CSMD3: variants seen among roughly 807,000 people sequenced by gnomAD.
CSMD3 encodes the protein CUB and Sushi multiple domains 3.
In CSMD3, 177 loss-of-function variants were observed where a neutral mutation model predicts 435.2. That is an observed-to-expected ratio of 0.41 (90% confidence interval 0.36 to 0.46). CSMD3 has a LOEUF of 0.46. Among genes scored for constraint, CSMD3 ranks in the 20% least tolerant of loss-of-function variants. The probability of loss-of-function intolerance (pLI) is 0.34; values close to 1 mark genes in which losing one functional copy is unlikely to be tolerated. For missense variants in CSMD3, 4,265 were observed against 4,504.6 expected, an observed-to-expected ratio of 0.95 and a Z score of 1.52; for synonymous variants, 1,656 against 1,520.5, an observed-to-expected ratio of 1.09 and a Z score of -2.07.
intron 3 of CSMD3, among the ~76,000 whole-genome samples, chr8:113,223,801 A>G (rs1343743549): frequency 6.7e-6 from 1 of 149,060 alleles, no homozygotes; most frequent in Non-Finnish European, 1.5e-5. Flanking sequence ...GTATTCATGT[A>G]TCTGTGTGTT....
intron 65 of CSMD3, 91 bp downstream of exon 65, chr8:112,244,303 C>T (rs1814474452): frequency 1.8e-6 from 2 of 1,083,408 alleles, no homozygotes; most frequent in Admixed American, 1.7e-5. Flanking sequence ...TCCCTTGTTC[C>T]TATGCTAATT....
At position 112,952,779 on chromosome 8, in the gene CSMD3, T is replaced by A. The variant is rs919845172; in HGVS notation, c.1420+1905A>T. ...CAATGAATAAATGCAAAATTTATTT[T>A]AAAATTATGGAGCAAATTAACATTT... On this transcript the variant is annotated intron_variant, in intron 8 of 70. Transcript: ENST00000297405. Among the ~76,000 whole-genome samples, 50 of 151,730 alleles carry A rather than the reference T, an allele frequency of 3.3e-4. No individual in the cohort carries two copies. In the Middle Eastern group the frequency reaches 0.01, roughly 31 times the overall value.
Position 112,568,590 on chromosome 8 carries a change from A to G in CSMD3, c.4042+4911T>C, listed in dbSNP as rs372552691. ...AAAAAAAAAGAAAAGAAAAGAAAAAAGAAAAAGAAAAAGGAATGGGATATT... is the reference window on the plus strand; with the variant it reads ...AAAAAAAAAGAAAAGAAAAGAAAAAGGAAAAAGAAAAAGGAATGGGATATT... On this transcript the variant is annotated intron_variant, in intron 24 of 70. Transcript: ENST00000297405. Among the ~76,000 whole-genome samples the G allele has an allele frequency of 2.6e-5, 4 of 152,074 alleles. No homozygotes were observed. The South Asian group carries it at 8.3e-4, about 32-fold the overall frequency.
chr8:112,663,042 TG>T (rs2075425992), intron 17 of CSMD3, among the ~76,000 whole-genome samples: 1 of 152,060 alleles, frequency 6.6e-6, no homozygotes, highest in South Asian at 2.1e-4. Flanking sequence ...CTGGAGAGGA[TG>T]TGGAGAAATA....
chr8:112,350,142 T>C (rs543825790), intron 40 of CSMD3, among the ~76,000 whole-genome samples: 3 of 152,088 alleles, frequency 2.0e-5, no homozygotes, highest in Admixed American at 6.6e-5. Flanking sequence ...ACTTCAAGCT[T>C]CCAGAACTCT....
chr8:113,232,068 C>T (rs1380214499), intron 3 of CSMD3, among the ~76,000 whole-genome samples: 1 of 151,260 alleles, frequency 6.6e-6, no homozygotes, highest in African/African-American at 2.4e-5. Flanking sequence ...AGAATTTATA[C>T]CCTTGAAATT....
At chr8:112,593,586 C>CA (rs566567242) in intron 22 of CSMD3, among the ~76,000 whole-genome samples, 256 of 152,128 alleles carry the variant, frequency 1.7e-3, no homozygotes, top group Non-Finnish European at 2.6e-3. Flanking sequence ...TTTAAAGCCA[C>CA]AGACAAAAAG....
At chr8:112,654,061 TACAA>T (rs2075199146) in intron 18 of CSMD3, among the ~76,000 whole-genome samples, 2 of 152,122 alleles carry the variant, frequency 1.3e-5, no homozygotes, top group Admixed American at 6.5e-5. Context: ...AAACCTGGAG[TACAA>T]ACAATGGTGG....
intron 4 of CSMD3, among the ~76,000 whole-genome samples, chr8:113,116,676 T>A (rs2090839982): frequency 6.6e-6 from 1 of 152,148 alleles, no homozygotes; most frequent in South Asian, 2.1e-4. Flanking sequence ...GTTTGGAACT[T>A]CTTAGAGACT....
intron 24 of CSMD3, among the ~76,000 whole-genome samples, chr8:112,573,241 T>C (rs1424769165): frequency 6.6e-6 from 1 of 152,122 alleles, no homozygotes; most frequent in East Asian, 1.9e-4. Flanking sequence ...TACTTAAAAC[T>C]ACCTAAGTAA....
chr8:112,779,994 G>A (rs1357158462), intron 13 of CSMD3, among the ~76,000 whole-genome samples: 1 of 151,748 alleles, frequency 6.6e-6, no homozygotes, highest in Non-Finnish European at 1.5e-5. Context: ...ATTTTTCTTT[G>A]ATTTAGAATT....
chr8:112,847,284 G>A (rs111823651), intron 11 of CSMD3, among the ~76,000 whole-genome samples: 25 of 152,140 alleles, frequency 1.6e-4, no homozygotes, highest in African/African-American at 5.5e-4. Flanking sequence ...ATAGCTATGA[G>A]TCTTCTGGAG....
At chr8:112,458,702 G>C (rs1419539318) in intron 32 of CSMD3, among the ~76,000 whole-genome samples, 2 of 151,994 alleles carry the variant, frequency 1.3e-5, no homozygotes, top group Non-Finnish European at 2.9e-5. Flanking sequence ...AGTCCCTTTG[G>C]GTTTGATGAG....
chr8:113,344,531 T>C (rs1418118249), intron 1 of CSMD3, among the ~76,000 whole-genome samples: 1 of 152,176 alleles, frequency 6.6e-6, no homozygotes, highest in African/African-American at 2.4e-5. Context: ...TTCTCTCAAT[T>C]CTACTATTTT....
At chr8:112,873,815 T>C (rs1030879127) in intron 10 of CSMD3, among the ~76,000 whole-genome samples, 8 of 152,014 alleles carry the variant, frequency 5.3e-5, no homozygotes, top group African/African-American at 1.9e-4. Context: ...TCTTCTTTAT[T>C]ATTCTGGCTA....
chr8:112,830,695 G>A (rs2079843958), intron 11 of CSMD3, among the ~76,000 whole-genome samples: 2 of 150,820 alleles, frequency 1.3e-5, no homozygotes, highest in Admixed American at 1.3e-4. Flanking sequence ...TATTTCTTTA[G>A]TAATATTTAT....
chr8:112,420,084 G>C (rs2130260446), intron 32 of CSMD3, among the ~76,000 whole-genome samples: 1 of 151,816 alleles, frequency 6.6e-6, no homozygotes, highest in East Asian at 1.9e-4. Flanking sequence ...ATCCCAATTA[G>C]GTCAGAAAGA....
At chr8:112,454,106 G>T (rs897617133) in intron 32 of CSMD3, among the ~76,000 whole-genome samples, 2 of 152,146 alleles carry the variant, frequency 1.3e-5, no homozygotes, top group African/African-American at 4.8e-5. Flanking sequence ...ACTCAAGATG[G>T]ATTAAAGATT....
chr8:113,095,980 AT>A (rs1380264701), intron 5 of CSMD3, among the ~76,000 whole-genome samples: 1 of 151,946 alleles, frequency 6.6e-6, no homozygotes, highest in Non-Finnish European at 1.5e-5. Context: ...GTTCATCCTA[AT>A]TTTGCTGACA....
Sources: allele counts gnomAD v4.1 joint callset (sites outside exome capture counted in the v4.1 genomes callset), GRCh38; gene constraint gnomAD v4.1.1; transcripts MANE v1.5; gene names NCBI Gene and HGNC (gene_info 2026-07-23, HGNC 2026-07-21).